GRB14: variants seen among roughly 807,000 people sequenced by gnomAD.
The protein encoded by GRB14 is growth factor receptor-bound protein 14.
GRB14 carries 38 observed loss-of-function variants against 69.1 expected under a neutral mutation model. The ratio of observed to expected loss-of-function variants is 0.55; its 90% CI spans 0.42 to 0.72. The LOEUF (loss-of-function observed/expected upper bound fraction) is 0.72, where lower values mean the gene tolerates loss of function less well. GRB14 is among the 30% of genes least tolerant of loss of function. The probability of loss-of-function intolerance (pLI) is 0.00; values close to 1 mark genes in which losing one functional copy is unlikely to be tolerated. For missense variants in GRB14, 666 were observed against 666.1 expected, an observed-to-expected ratio of 1.00 and a Z score of 0.00; for synonymous variants, 247 against 241.3, an observed-to-expected ratio of 1.02 and a Z score of -0.22.
At chr2:164,519,510 G>A (rs764863945) in intron 6 of GRB14, among the ~76,000 whole-genome samples, 3 of 152,072 alleles carry the variant, frequency 2.0e-5, no homozygotes, top group African/African-American at 2.4e-5. Context: ...CCTAGCCAGA[G>A]CAATCAGACA....
At chr2:164,555,265 G>A (rs1004905276) in intron 2 of GRB14, among the ~76,000 whole-genome samples, 1 of 152,174 alleles carries the variant, frequency 6.6e-6, no homozygotes, top group African/African-American at 2.4e-5. Flanking sequence ...CATTGTCAAT[G>A]GTCGTTTGAG....
intron 2 of GRB14, among the ~76,000 whole-genome samples, chr2:164,558,074 T>C (rs1362852532): frequency 6.6e-6 from 1 of 152,092 alleles, no homozygotes; most frequent in Non-Finnish European, 1.5e-5. Context: ...CATCTAGGGT[T>C]CCAACCAAGA....
At chr2:164,567,937 G>T (rs1689022280) in intron 2 of GRB14, among the ~76,000 whole-genome samples, 1 of 151,616 alleles carries the variant, frequency 6.6e-6, no homozygotes, top group South Asian at 2.1e-4. Flanking sequence ...GTGAAACAAA[G>T]AAACTATTCC....
At chr2:164,522,588 G>T (rs1457353518) in intron 5 of GRB14, among the ~76,000 whole-genome samples, 2 of 152,060 alleles carry the variant, frequency 1.3e-5, no homozygotes, top group Non-Finnish European at 2.9e-5. Flanking sequence ...CTTCATTATG[G>T]TATAAGTAAG....
chr2:164,549,284 T>C (rs944688042), intron 2 of GRB14, among the ~76,000 whole-genome samples: 1 of 152,228 alleles, frequency 6.6e-6, no homozygotes, highest in African/African-American at 2.4e-5. Context: ...GGTTTGCAAA[T>C]ACTTTTTCCC....
intron 2 of GRB14, among the ~76,000 whole-genome samples, chr2:164,599,056 G>T (rs1348210251): frequency 2.6e-5 from 4 of 152,186 alleles, no homozygotes; most frequent in African/African-American, 7.2e-5. Flanking sequence ...CACGCAGCTG[G>T]TGTAGGAGCT....
At chr2:164,606,862 T>A (rs556167161) in intron 2 of GRB14, among the ~76,000 whole-genome samples, 1 of 152,216 alleles carries the variant, frequency 6.6e-6, no homozygotes, top group African/African-American at 2.4e-5. Context: ...TTCACACGCA[T>A]ATGTCACCCT....
chr2:164,585,085 CTTTTTTTTTTTTTTTTTTTTTTTTTTT>C (rs146962375), intron 2 of GRB14, among the ~76,000 whole-genome samples: 4 of 54,386 alleles, frequency 7.4e-5, no homozygotes, highest in East Asian at 1.3e-3. Flanking sequence ...CCATGCCTGG[CTTTTTTTTTTTTTTTTTTTTTTTTTTT>C]TTTTTTTTTT....
chr2:164,544,261 G>A (rs537146756), intron 3 of GRB14, among the ~76,000 whole-genome samples: 1 of 152,214 alleles, frequency 6.6e-6, no homozygotes, highest in South Asian at 2.1e-4. Context: ...TTCAGCTTTT[G>A]CATTAAAAGA....
chr2:164,573,514 C>CTT (rs1051913095), intron 2 of GRB14, among the ~76,000 whole-genome samples: 1 of 151,978 alleles, frequency 6.6e-6, no homozygotes, highest in African/African-American at 2.4e-5. Context: ...TCAGAAAATT[C>CTT]TTTTTTTTAA....
At chr2:164,618,871 T>G (rs1044710345) in intron 2 of GRB14, among the ~76,000 whole-genome samples, 1 of 152,220 alleles carries the variant, frequency 6.6e-6, no homozygotes, top group Non-Finnish European at 1.5e-5. Context: ...GCTATTTCAA[T>G]GTATTGTTTC....
At chr2:164,546,331 C>A (rs918990725) in intron 3 of GRB14, among the ~76,000 whole-genome samples, 2 of 151,940 alleles carry the variant, frequency 1.3e-5, no homozygotes, top group Non-Finnish European at 2.9e-5. Context: ...TATTTTTGTA[C>A]CTCGGAAGAA....
chr2:164,500,930 T>A (rs554809917), intron 9 of GRB14, among the ~76,000 whole-genome samples: 1 of 152,286 alleles, frequency 6.6e-6, no homozygotes, highest in South Asian at 2.1e-4. Flanking sequence ...TTTCCTATGA[T>A]TAAGAGGACA....
intron 2 of GRB14, among the ~76,000 whole-genome samples, chr2:164,580,973 C>T (rs1197291408): frequency 1.3e-5 from 2 of 152,184 alleles, no homozygotes; most frequent in African/African-American, 4.8e-5. Context: ...GAAGTGAAAA[C>T]ATGCTCTAGT....
intron 2 of GRB14, among the ~76,000 whole-genome samples, chr2:164,618,494 G>A (rs1489340240): frequency 6.6e-6 from 1 of 152,024 alleles, no homozygotes; most frequent in Non-Finnish European, 1.5e-5. Flanking sequence ...CCACTTAAGG[G>A]TTTATTCCCC....
In GRB14 at chr2:164,570,275, TA is replaced by T. The variant is rs35918859; in HGVS notation, c.325-22460del. 9.4e-3 allele frequency among the ~76,000 whole-genome samples: 536 copies of T among 57,218 alleles called. 3 individuals are homozygous for T. The highest frequency in any genetic ancestry group is 0.017 in the African/African-American group (245 of 14,838). The allele number at this position is 57,218 out of a possible 152,430, so 37.5% of individuals were successfully genotyped here. On this transcript the variant is annotated intron_variant, in intron 2 of 13. Coordinates refer to ENST00000263915, the MANE Select transcript of GRB14 (RefSeq NM_004490.3). ...CTGGGTGACAGAGCAAGACTCCATC[TA>T]AAAAAAAAAAAAAAAAAAAAAAAAG...
At chr2:164,504,336 G>A (rs1397532648) in intron 8 of GRB14, among the ~76,000 whole-genome samples, 1 of 151,812 alleles carries the variant, frequency 6.6e-6, no homozygotes, top group Non-Finnish European at 1.5e-5. Context: ...GGTAAACGCT[G>A]GAAATAACAC....
At chr2:164,523,278 A>G (rs2105284269) in intron 5 of GRB14, among the ~76,000 whole-genome samples, 1 of 152,266 alleles carries the variant, frequency 6.6e-6, no homozygotes, top group East Asian at 1.9e-4. Flanking sequence ...GGCTTGGAAT[A>G]GTTTGTTACA....
At chr2:164,522,516 G>C (rs1687660387) in intron 5 of GRB14, among the ~76,000 whole-genome samples, 2 of 152,098 alleles carry the variant, frequency 1.3e-5, no homozygotes. Flanking sequence ...ATTGCGTTAA[G>C]TCCTGATATG....
Sources: allele counts gnomAD v4.1 joint callset (sites outside exome capture counted in the v4.1 genomes callset), GRCh38; gene constraint gnomAD v4.1.1; transcripts MANE v1.5; gene names NCBI Gene and HGNC (gene_info 2026-07-23, HGNC 2026-07-21).